UBXN7: variants seen among roughly 807,000 people sequenced by gnomAD.
UBXN7 encodes UBX domain protein 7.
UBXN7 carries 9 observed loss-of-function variants against 58.0 expected under a neutral mutation model. The observed-to-expected ratio is 0.16, with a 90% CI of 0.09 to 0.27. The LOEUF is 0.27. UBXN7 is among the 10% of genes least tolerant of loss of function. UBXN7 has a pLI of 1.00. For missense variants in UBXN7, 328 were observed against 599.6 expected, an observed-to-expected ratio of 0.55 and a Z score of 4.73; for synonymous variants, 208 against 205.0, an observed-to-expected ratio of 1.01 and a Z score of -0.12.
chr3:196,376,104 G>A (rs1457810930), intron 5 of UBXN7, among the ~76,000 whole-genome samples: 2 of 152,188 alleles, frequency 1.3e-5, no homozygotes, highest in East Asian at 3.9e-4. Context: ...ATAAAGTCGA[G>A]AAGAAAATAT....
rs541344981 is a variant in UBXN7 at position 196,431,194 on chromosome 3, C to T, written c.73+1133G>A. On this transcript the variant is annotated intron_variant, in intron 1 of 10. Transcript: ENST00000296328. ...CAGTGGAAACATTCTCCGCATCTAA[C>T]AAATTACGAGATAAAGTATAGATCC... 3.3e-5 allele frequency among the ~76,000 whole-genome samples: 5 copies of T among 152,292 alleles called. No homozygotes were observed. The South Asian group carries it at 6.2e-4, about 19-fold the overall frequency.
Position 196,371,957 on chromosome 3 carries a change from C to T in UBXN7, c.554G>A (p.Arg185His). Residue 185 changes from arginine to histidine, a missense_variant, in exon 6 of 11, where the codon CGC becomes CAC. Coordinates refer to ENST00000296328, the MANE Select transcript of UBXN7 (RefSeq NM_015562.2). Reference protein sequence around the residue: ...VQDFACQCLNRDVWSNEAVKN... With the variant: ...VQDFACQCLNHDVWSNEAVKN... ...CACAGCTTCGTTGCTCCACACATCG[C>T]GGTTGAGGCACTGACATGCAAAGTC... 6.2e-7 allele frequency: 1 copy of T among 1,613,862 alleles called. No homozygotes were observed.
intron 1 of UBXN7, among the ~76,000 whole-genome samples, chr3:196,417,873 C>A (rs1730551118): frequency 6.7e-6 from 1 of 150,318 alleles, no homozygotes. Flanking sequence ...CTGCTGTGAG[C>A]TATGATCATA....
chr3:196,400,721 C>G (rs930484893), intron 3 of UBXN7: 1 of 376,118 alleles, frequency 2.7e-6, no homozygotes, highest in African/African-American at 2.2e-5. Flanking sequence ...GCCTGGGCAA[C>G]AGACTCCATT....
intron 5 of UBXN7, among the ~76,000 whole-genome samples, chr3:196,386,379 C>CT (rs1729397455): frequency 2.4e-5 from 1 of 41,238 alleles, no homozygotes; most frequent in Non-Finnish European, 4.6e-5. Flanking sequence ...TTAATAAACA[C>CT]TAAAAAAAAA....
In UBXN7 at chr3:196,427,608, C is replaced by T. The variant is rs142931864; in HGVS notation, c.73+4719G>A. ...GCCTGGGATTACAGGCGTGAGCCACCGCACCTGGCTTCAAAACATTTTTAA... is the reference window on the plus strand; with the variant it reads ...GCCTGGGATTACAGGCGTGAGCCACTGCACCTGGCTTCAAAACATTTTTAA... On this transcript the variant is annotated intron_variant, in intron 1 of 10. Transcript: ENST00000296328. Among the ~76,000 whole-genome samples, 204 of 152,298 alleles carry T rather than the reference C, an allele frequency of 1.3e-3. 2 individuals carry two copies. The highest frequency in any genetic ancestry group is 4.7e-3 in the African/African-American group (196 of 41,552).
At position 196,351,459 on chromosome 3, in the gene UBXN7, G is replaced by A. The variant is rs778510821; in HGVS notation, c.*5226C>T. ...GCAGTAAGATTAAGAGCAAGTTGTT[G>A]GTCAAATGATACCTGAACACAGAAT... On this transcript the variant is annotated 3_prime_UTR_variant, in exon 11 of 11. Transcript: ENST00000296328. The A allele has an allele frequency of 6.6e-6, 1 of 151,254 alleles. No individual in the cohort carries two copies. The highest frequency in any genetic ancestry group is 1.5e-5 in the Non-Finnish European group (1 of 67,944). 9.4% of individuals were successfully genotyped at this position (151,254 alleles called of 1,614,324 possible).
chr3:196,413,577 G>A (rs188906378), intron 1 of UBXN7, among the ~76,000 whole-genome samples: 16 of 152,004 alleles, frequency 1.1e-4, no homozygotes, highest in South Asian at 2.1e-4. Context: ...TTTCTCCCCC[G>A]AGTGAACATC....
intron 1 of UBXN7, among the ~76,000 whole-genome samples, chr3:196,430,227 C>A (rs142974954): frequency 0.12 from 18,226 of 151,698 alleles, 1,436 homozygotes; most frequent in South Asian, 0.2. Flanking sequence ...TGGTGACAGG[C>A]GCTTGTAGTC....
chr3:196,403,323 A>G (rs1730051070), intron 2 of UBXN7, among the ~76,000 whole-genome samples: 1 of 152,018 alleles, frequency 6.6e-6, no homozygotes, highest in Non-Finnish European at 1.5e-5. Flanking sequence ...ACACCTGGCT[A>G]ATTTGTTTTC....
chr3:196,373,768 G>A (rs1280918658), intron 5 of UBXN7, among the ~76,000 whole-genome samples: 4 of 152,036 alleles, frequency 2.6e-5, no homozygotes, highest in Non-Finnish European at 5.9e-5. Flanking sequence ...ATGTTAGCCA[G>A]GCTGGTTTGG....
intron 3 of UBXN7, among the ~76,000 whole-genome samples, chr3:196,398,028 T>C (rs1451793326): frequency 6.6e-6 from 1 of 152,186 alleles, no homozygotes; most frequent in Non-Finnish European, 1.5e-5. Flanking sequence ...ACAGGCAGGA[T>C]TGAACAGAAT....
chr3:196,419,032 G>A (rs906362118), intron 1 of UBXN7, among the ~76,000 whole-genome samples: 8 of 152,274 alleles, frequency 5.3e-5, no homozygotes, highest in African/African-American at 1.4e-4. Context: ...TTGGGAGGCC[G>A]ATGTGGGTGG....
chr3:196,381,814 A>C lies in UBXN7; in HGVS notation c.469-9772T>G, dbSNP rs535884119. On this transcript the variant is annotated intron_variant, in intron 5 of 10. Coordinates refer to ENST00000296328, the MANE Select transcript of UBXN7 (RefSeq NM_015562.2). ...ACTTAAATGACCTGATGGAGCTGAAAACCACAGCACGAGAACTTCGTGACG... is the reference window on the plus strand; with the variant it reads ...ACTTAAATGACCTGATGGAGCTGAACACCACAGCACGAGAACTTCGTGACG... Among the ~76,000 whole-genome samples the C allele has an allele frequency of 2.0e-5, 3 of 152,376 alleles. No individual in the cohort carries two copies. The East Asian group carries it at 5.8e-4, about 29-fold the overall frequency.
intron 5 of UBXN7, among the ~76,000 whole-genome samples, chr3:196,387,769 C>T (rs1471604984): frequency 2.0e-5 from 3 of 152,064 alleles, no homozygotes; most frequent in African/African-American, 7.2e-5. Context: ...GTTAGAATGG[C>T]AATCATTAAA....
At chr3:196,419,321 T>TAAATAAATAAATAAATAAATAAAC (rs139881636) in intron 1 of UBXN7, among the ~76,000 whole-genome samples, 1 of 150,214 alleles carries the variant, frequency 6.7e-6, no homozygotes, top group Non-Finnish European at 1.5e-5. Flanking sequence ...AATAAATAAA[T>TAAATAAATAAATAAATAAATAAAC]AAACAATGTG....
intron 1 of UBXN7, among the ~76,000 whole-genome samples, chr3:196,422,637 C>G (rs1028257267): frequency 6.6e-6 from 1 of 152,136 alleles, no homozygotes; most frequent in Non-Finnish European, 1.5e-5. Flanking sequence ...AATCCTCCCG[C>G]ATCAGCCTCT....
chr3:196,427,136 T>G (rs749042474), intron 1 of UBXN7, among the ~76,000 whole-genome samples: 6 of 152,200 alleles, frequency 3.9e-5, no homozygotes, highest in Non-Finnish European at 8.8e-5. Context: ...CTATAGTGTC[T>G]ATGTATCCCT....
intron 1 of UBXN7, among the ~76,000 whole-genome samples, chr3:196,418,802 A>T (rs1458824815): frequency 6.6e-6 from 1 of 152,240 alleles, no homozygotes; most frequent in East Asian, 1.9e-4. Flanking sequence ...ATAGTAACGG[A>T]AGTAACAACT....
Sources: allele counts gnomAD v4.1 joint callset (sites outside exome capture counted in the v4.1 genomes callset), GRCh38; gene constraint gnomAD v4.1.1; transcripts MANE v1.5; gene names NCBI Gene and HGNC (gene_info 2026-07-23, HGNC 2026-07-21).